NFATC4: variants seen among roughly 807,000 people sequenced by gnomAD.
The protein encoded by NFATC4 is nuclear factor of activated T cells 4.
Under a neutral mutation model 73.4 loss-of-function variants are expected in NFATC4, and 25 were observed. That is an observed-to-expected ratio of 0.34 (90% CI 0.25 to 0.48). The LOEUF (loss-of-function observed/expected upper bound fraction) is 0.48. Among genes scored for constraint, NFATC4 ranks in the 20% least tolerant of loss-of-function variants. The probability of loss-of-function intolerance (pLI) is 0.99; values close to 1 mark genes in which losing one functional copy is unlikely to be tolerated. For missense variants in NFATC4, 1,130 were observed against 1,203.7 expected (o/e 0.94, Z 0.91); for synonymous variants, 523 against 510.3 (o/e 1.02, Z -0.34).
upstream of NFATC4, chr14:24,367,248 G>A (rs758249361): frequency 5.6e-6 from 9 of 1,601,588 alleles, no homozygotes; most frequent in East Asian, 2.3e-5. Flanking sequence ...GGGCGGGGGG[G>A]CCAAGGAGGG....
At chr14:24,367,333 C>T, upstream of NFATC4, 5 of 1,538,964 alleles carry the variant, frequency 3.2e-6, no homozygotes, top group Non-Finnish European at 4.4e-6. Flanking sequence ...TTAGAAGAGC[C>T]GGAGTGGGAT....
In NFATC4 at chr14:24,377,676, G is replaced by C; in HGVS notation, c.2680G>C (p.Ala894Pro). ...TGGCCGAGACCTGAGTGGCTTCCCT[G>C]CACCTCCTGGAGAAGAGCCTCCTGC... ...IIGRDLSGFP[A>P]PPGEEPPA Residue 894 changes from alanine (A) to proline (P), a missense_variant, in exon 10 of 10, where the codon GCA becomes CCA. Physicochemically the swap from Ala to Pro is conservative, Grantham distance 27 (BLOSUM62 -1). Coordinates refer to ENST00000250373, the MANE Select transcript of NFATC4 (RefSeq NM_004554.5). This position sits in a 1 kb window ranked among gnomAD's most constrained non-coding sequence, Gnocchi z 4.2. 6.2e-7 allele frequency: 1 copy of C among 1,614,176 alleles called. No homozygotes were observed. Among genetic ancestry groups the C allele is most frequent in the African/African-American group, 1.3e-5 (1 of 75,028 alleles).
rs576702065 is a variant in NFATC4 at position 24,370,318 on chromosome 14, G to A, written c.920G>A (p.Arg307Gln). The A allele has an allele frequency of 3.7e-6, 6 of 1,611,308 alleles. No individual in the cohort carries two copies. Among genetic ancestry groups the A allele is most frequent in the African/African-American group, 2.7e-5 (2 of 74,966 alleles). ...PPPPPPLPLA[R>Q]DPGSPGPFDY... ...CCACCACCCCCATTGCCTCTGGCCC[G>A]GGACCCGGGCTCCCCTGGTCCCTTT... Residue 307 changes from arginine to glutamine, a missense_variant, in exon 2 of 10, where the codon CGG becomes CAG. Around this residue, in one of 3 missense-constraint regions of NFATC4, gnomAD observed 585 missense variants for 574.3 expected, o/e 1.02. Transcript: ENST00000250373.
chr14:24,376,160 C>G lies in NFATC4; in HGVS notation c.2056+59C>G. 1 of 1,610,498 alleles carries G rather than the reference C, an allele frequency of 6.2e-7. No individual in the cohort carries two copies. Among genetic ancestry groups the G allele is most frequent in the Non-Finnish European group, 8.5e-7 (1 of 1,178,022 alleles). The stretch of plus-strand genomic sequence containing the variant: ...GGGATATGGGGAGCTGGAGCAGGAG[C>G]AGAGGGAAGCAGTACTCATCATGAG... On this transcript the variant is annotated intron_variant, in intron 8 of 9. Coordinates refer to ENST00000250373, the MANE Select transcript of NFATC4 (RefSeq NM_004554.5). The surrounding 1 kb of genome is among the most constrained non-coding windows in gnomAD (Gnocchi z 5.0).
chr14:24,372,258 G>A (rs2042491928), intron 2 of NFATC4, 183 bp from the exon 3 acceptor site: 1 of 638,496 alleles, frequency 1.6e-6, no homozygotes, highest in Non-Finnish European at 2.6e-6. Context: ...TCATTTCTTT[G>A]TCCTTTTTTT....
Position 24,368,426 on chromosome 14 carries a change from G to T in NFATC4, c.86G>T (p.Gly29Val). ...AAGGAGGCCCCCCCGCTGGGCGCGGGGGGATTGGGGGAAGGTTAGTGCTGG... is the reference window on the plus strand; with the variant it reads ...AAGGAGGCCCCCCCGCTGGGCGCGGTGGGATTGGGGGAAGGTTAGTGCTGG... ...EEKEAPPLGA[G>V]GLGEELDSED... is the part of the protein sequence containing the mutation. The change falls in exon 1 of 10, where the codon GGG (glycine) becomes GTG (valine). Residue 29 changes from glycine (G) to valine (V), a missense_variant. This residue lies in a region of NFATC4 where 585 missense variants were observed against 574.3 expected (regional missense o/e 1.02). Transcript: ENST00000250373. The T allele has an allele frequency of 7.4e-7, 1 of 1,344,050 alleles. No homozygotes were observed. The highest frequency in any genetic ancestry group is 3.0e-5 in the East Asian group (1 of 32,912). The allele number at this position is 1,344,050 out of a possible 1,614,324, so 83.3% of individuals were successfully genotyped here.
Position 24,373,353 on chromosome 14 carries a change from G to T in NFATC4, c.1542G>T (p.Glu514Asp). Residue 514 changes from glutamate (E) to aspartate (D), a missense_variant, in exon 4 of 10, where the codon GAG becomes GAT. Around this residue, in one of 3 missense-constraint regions of NFATC4, gnomAD observed 155 missense variants for 221.2 expected, o/e 0.70. Coordinates refer to ENST00000250373, the MANE Select transcript of NFATC4 (RefSeq NM_004554.5). This position sits in a 1 kb window ranked among gnomAD's most constrained non-coding sequence, Gnocchi z 4.7. ...TGTTGGAGATGACTCTGCTGCCTGAGAACAACATGGCGGCCAAGTAAGTCC... is the reference window on the plus strand; with the variant it reads ...TGTTGGAGATGACTCTGCTGCCTGATAACAACATGGCGGCCAAGTAAGTCC... ...TKVLEMTLLP[E>D]NNMAANIDCA... 1 of 1,614,000 alleles carries T rather than the reference G, an allele frequency of 6.2e-7. No individual in the cohort carries two copies. The highest frequency in any genetic ancestry group is 8.5e-7 in the Non-Finnish European group (1 of 1,180,042).
chr14:24,372,337 T>C (rs2042495381), intron 2 of NFATC4, 104 bp from the exon 3 acceptor site: 1 of 1,238,472 alleles, frequency 8.1e-7, no homozygotes, highest in Non-Finnish European at 1.1e-6. Context: ...TCTTCTGTGC[T>C]TTCCTTTCTC....
At chr14:24,370,794 G>A (rs2042455275) in intron 2 of NFATC4, among the ~76,000 whole-genome samples, 200 bp downstream of exon 2, 1 of 152,170 alleles carries the variant, frequency 6.6e-6, no homozygotes, top group South Asian at 2.1e-4. Context: ...TTTACAAGAG[G>A]GCAACAGTTC....
chr14:24,377,871 G>GT lies in NFATC4; in HGVS notation c.*167dup. 2.9e-6 allele frequency: 4 copies of GT among 1,380,156 alleles called. No individual in the cohort carries two copies. Among genetic ancestry groups the GT allele is most frequent in the Non-Finnish European group, 3.9e-6 (4 of 1,029,252 alleles). 85.5% of individuals were successfully genotyped at this position (1,380,156 alleles called of 1,614,324 possible). A position where few individuals can be genotyped will look rare whatever the true frequency, so the allele number is the denominator to read the frequency against. ...TTCCCTCCCCTCCCCCAGCTGAGGTGTGGCCCTCAGGCCTGGTGCTGCCTT... is the reference window on the plus strand; with the variant it reads ...TTCCCTCCCCTCCCCCAGCTGAGGTGTTGGCCCTCAGGCCTGGTGCTGCCTT... On this transcript the variant is annotated 3_prime_UTR_variant, in exon 10 of 10. Transcript: ENST00000250373. The surrounding 1 kb of genome is among the most constrained non-coding windows in gnomAD (Gnocchi z 4.2).
chr14:24,372,783 C>T, intron 3 of NFATC4, 180 bp downstream of exon 3: 1 of 714,934 alleles, frequency 1.4e-6, no homozygotes, highest in Non-Finnish European at 2.3e-6. Context: ...CTTTCTACTC[C>T]TGTCCTTCCA....
upstream of NFATC4, chr14:24,367,373 A>G (rs1440336291): frequency 6.5e-7 from 1 of 1,535,880 alleles, no homozygotes; most frequent in Non-Finnish European, 8.7e-7. Flanking sequence ...ATTCCAGACT[A>G]CAGTTCTAGG....
upstream of NFATC4, chr14:24,368,126 C>T (rs905264907): frequency 4.6e-6 from 5 of 1,097,940 alleles, no homozygotes; most frequent in Non-Finnish European, 5.4e-6. Context: ...CAATCAGGGA[C>T]AGGCTGGGGG....
At chr14:24,368,491 G>A in intron 1 of NFATC4, 51 bp downstream of exon 1, 2 of 1,251,120 alleles carry the variant, frequency 1.6e-6, no homozygotes, top group African/African-American at 1.6e-5. Flanking sequence ...GGAGGGCCGG[G>A]GATCCTGAGT....
At chr14:24,368,072 T>A (rs2042354223), upstream of NFATC4, 8 of 1,158,272 alleles carry the variant, frequency 6.9e-6, no homozygotes, top group Middle Eastern at 3.5e-4. Context: ...CGCGTGGTTT[T>A]CCCATCTCAT....
chr14:24,369,474 T>A (rs2042405255), intron 1 of NFATC4, 25 bp from the exon 2 acceptor site: 2 of 1,612,808 alleles, frequency 1.2e-6, no homozygotes, highest in African/African-American at 2.7e-5. Context: ...CCCCTCTCCC[T>A]CTGCTCCTCT....
rs1158498613 is a variant in NFATC4 at position 24,376,052 on chromosome 14, C to T, written c.2007C>T (p.Ser669=). ...CAGTCCAGGTCTACTTTTATGTCTC[C>T]AATGGGCGGAGGAAACGCAGTCCTA... ...SRPVQVYFYV[S]NGRRKRSPTQ... Residue 669 remains serine, a synonymous_variant, in exon 8 of 10, where the codon TCC becomes TCT. Coordinates refer to ENST00000250373, the MANE Select transcript of NFATC4 (RefSeq NM_004554.5). The surrounding 1 kb of genome is among the most constrained non-coding windows in gnomAD (Gnocchi z 5.0). 1 of 1,613,962 alleles carries T rather than the reference C, an allele frequency of 6.2e-7. No homozygotes were observed. Among genetic ancestry groups the T allele is most frequent in the Non-Finnish European group, 8.5e-7 (1 of 1,179,984 alleles).
intron 1 of NFATC4, chr14:24,369,170 A>T: frequency 5.4e-6 from 8 of 1,487,480 alleles, no homozygotes; most frequent in Non-Finnish European, 7.1e-6. Flanking sequence ...AGTCGCCCCC[A>T]GTCCAGCCCA....
At chr14:24,367,300 C>T, upstream of NFATC4, 1 of 1,556,766 alleles carries the variant, frequency 6.4e-7, no homozygotes, top group Non-Finnish European at 8.7e-7. Flanking sequence ...GTTTCAGGCC[C>T]CTAGTAAACC....
Sources: allele counts gnomAD v4.1 joint callset (sites outside exome capture counted in the v4.1 genomes callset), GRCh38; gene constraint gnomAD v4.1.1; regional missense constraint gnomAD v4.1.1; non-coding constraint Gnocchi (gnomAD v3.1); transcripts MANE v1.5; gene names NCBI Gene and HGNC (gene_info 2026-07-23, HGNC 2026-07-21).